The following WDR7 variants were observed in gnomAD, a reference collection of about 807,000 sequenced individuals.
WDR7 encodes WD repeat-containing protein 7.
WDR7 carries 46 observed loss-of-function variants against 169.4 expected under a neutral mutation model. The ratio of observed to expected loss-of-function variants is 0.27; its 90% confidence interval spans 0.21 to 0.35. WDR7 has a LOEUF of 0.35. Ranked by LOEUF, WDR7 falls within the 10% of genes least tolerant of loss-of-function variation. The pLI, the probability that WDR7 is intolerant of heterozygous loss-of-function variation, is 1.00. For synonymous variants in WDR7, 612 were observed against 666.8 expected (o/e 0.92, Z 1.27); for missense variants, 1,534 against 1,859.3 (o/e 0.83, Z 3.22).
At chr18:56,888,962 A>G (rs911628460) in intron 21 of WDR7, among the ~76,000 whole-genome samples, 4 of 152,146 alleles carry the variant, frequency 2.6e-5, no homozygotes, top group African/African-American at 9.7e-5. Context: ...AGCTGGGATG[A>G]CCCTTCAGAC....
intron 1 of WDR7, among the ~76,000 whole-genome samples, chr18:56,664,784 T>C (rs552536196): frequency 2.2e-4 from 34 of 152,260 alleles, no homozygotes; most frequent in Non-Finnish European, 4.1e-4. Flanking sequence ...TTGAGAAACA[T>C]AGGCTGTACA....
intron 13 of WDR7, among the ~76,000 whole-genome samples, chr18:56,720,414 A>C (rs577694399): frequency 2.0e-4 from 30 of 152,310 alleles, no homozygotes; most frequent in African/African-American, 7.0e-4. Flanking sequence ...GCACCACTGC[A>C]CCCCAGCCTG....
intron 21 of WDR7, among the ~76,000 whole-genome samples, chr18:56,918,779 A>C (rs1232437634): frequency 6.6e-6 from 1 of 152,228 alleles, no homozygotes; most frequent in African/African-American, 2.4e-5. Flanking sequence ...CATAATTTTG[A>C]CTGTGCTAGG....
At chr18:56,787,389 C>G (rs1426352187) in intron 19 of WDR7, among the ~76,000 whole-genome samples, 1 of 152,184 alleles carries the variant, frequency 6.6e-6, no homozygotes, top group African/African-American at 2.4e-5. Flanking sequence ...TTATATAAAT[C>G]AAAATCTCTT....
chr18:56,814,853 A>G (rs925924043), intron 19 of WDR7, among the ~76,000 whole-genome samples: 2 of 152,160 alleles, frequency 1.3e-5, no homozygotes, highest in Admixed American at 6.6e-5. Flanking sequence ...TTTTTTATTC[A>G]TCAGGGATCA....
chr18:56,900,082 G>GTGTA (rs1409730889), intron 21 of WDR7, among the ~76,000 whole-genome samples: 88 of 32,062 alleles, frequency 2.7e-3, no homozygotes, highest in African/African-American at 4.4e-3. Context: ...GTGTGTGTGT[G>GTGTA]TATATATATA....
intron 2 of WDR7, 71 bp from the exon 3 acceptor site, chr18:56,679,261 T>C (rs757475813): frequency 7.8e-6 from 10 of 1,285,326 alleles, no homozygotes; most frequent in Non-Finnish European, 1.1e-6. Context: ...TTACTATGGC[T>C]AAGCTGACAC....
At chr18:56,712,447 G>GA (rs1465456194) in intron 12 of WDR7, among the ~76,000 whole-genome samples, 1 of 152,122 alleles carries the variant, frequency 6.6e-6, no homozygotes, top group Non-Finnish European at 1.5e-5. Context: ...ATAATTATTT[G>GA]AAAAATAATA....
At chr18:56,999,765 A>G (rs576082942) in intron 26 of WDR7, among the ~76,000 whole-genome samples, 3 of 152,268 alleles carry the variant, frequency 2.0e-5, no homozygotes, top group Admixed American at 1.3e-4. Flanking sequence ...AGGAGACAGG[A>G]GGAAGGATGG....
At chr18:56,878,364 G>A (rs1209426477) in intron 20 of WDR7, among the ~76,000 whole-genome samples, 2 of 151,874 alleles carry the variant, frequency 1.3e-5, no homozygotes, top group East Asian at 3.9e-4. Context: ...CCCTCTTATT[G>A]CCTGGAAAAC....
At chr18:57,015,315 T>C (rs1265371366) in intron 26 of WDR7, among the ~76,000 whole-genome samples, 2 of 152,230 alleles carry the variant, frequency 1.3e-5, no homozygotes, top group Non-Finnish European at 1.5e-5. Context: ...GATGAGATTA[T>C]CTGTTTTTTA....
At chr18:56,692,519 G>A (rs1405402325) in intron 9 of WDR7, among the ~76,000 whole-genome samples, 1 of 150,818 alleles carries the variant, frequency 6.6e-6, no homozygotes, top group African/African-American at 2.4e-5. Context: ...TTATGTGGCC[G>A]GGTGGCTAGG....
At chr18:56,701,256 A>G (rs79850706) in intron 12 of WDR7, among the ~76,000 whole-genome samples, 2 of 152,190 alleles carry the variant, frequency 1.3e-5, no homozygotes, top group Non-Finnish European at 2.9e-5. Flanking sequence ...ACTTGAAAAG[A>G]CCTGAGAGGT....
rs1198002139 is a variant in WDR7 at position 57,027,483 on chromosome 18, G to A, written c.*276G>A. The A allele has an allele frequency of 4.2e-6, 2 of 475,984 alleles. No individual in the cohort carries two copies. Among genetic ancestry groups the A allele is most frequent in the East Asian group, 3.9e-5 (1 of 25,790 alleles). The allele number at this position is 475,984 out of a possible 1,614,324, so 29.5% of individuals were successfully genotyped here. On this transcript the variant is annotated 3_prime_UTR_variant, in exon 28 of 28. Transcript: ENST00000254442. ...CCAGAGATGGCAGGGGAAAGCCAGT[G>A]GTTCCTGGGAACGCTCTTGTTGCTT... is the stretch of plus-strand genomic sequence containing the variant.
At chr18:56,877,038 C>A (rs923941288) in intron 20 of WDR7, among the ~76,000 whole-genome samples, 5 of 151,548 alleles carry the variant, frequency 3.3e-5, no homozygotes, top group Non-Finnish European at 7.4e-5. Context: ...AAATAAAAAC[C>A]AAAACAAAAA....
intron 26 of WDR7, among the ~76,000 whole-genome samples, chr18:57,007,746 G>T (rs1003769809): frequency 2.0e-5 from 3 of 152,120 alleles, no homozygotes; most frequent in Non-Finnish European, 4.4e-5. Context: ...TCTACAATGT[G>T]TACAATGAGC....
chr18:56,816,193 C>CA, intron 20 of WDR7, 49 bp downstream of exon 20: 1 of 1,504,294 alleles, frequency 6.6e-7, no homozygotes. Flanking sequence ...TTTGATATTG[C>CA]AAAATGTTTT....
chr18:57,032,124 C>T (rs1175020217), downstream of WDR7: 1 of 152,214 alleles, frequency 6.6e-6, no homozygotes, highest in African/African-American at 2.4e-5. Context: ...TGCCTAAATA[C>T]ATGCCAATGG....
At chr18:57,006,530 A>C (rs1377266004) in intron 26 of WDR7, among the ~76,000 whole-genome samples, 1 of 152,208 alleles carries the variant, frequency 6.6e-6, no homozygotes, top group Non-Finnish European at 1.5e-5. Context: ...AGGCAGTATG[A>C]TTGCATTAAA....
Sources: gnomAD v4.1 joint callset for allele counts (sites outside exome capture counted in the v4.1 genomes callset) on GRCh38, gnomAD v4.1.1 for gene constraint, MANE v1.5 for transcripts, NCBI Gene and HGNC (gene_info 2026-07-23, HGNC 2026-07-21) for gene names.